The following USP24 variants were observed in gnomAD, a reference collection of about 807,000 sequenced individuals.
The protein encoded by USP24 is ubiquitin specific peptidase 24, also known as ubiquitin carboxyl-terminal hydrolase 24.
USP24 carries 97 observed loss-of-function variants against 361.6 expected under a neutral mutation model. The observed-to-expected ratio is 0.27, with a 90% CI of 0.23 to 0.32. The LOEUF is 0.32. USP24 is among the 10% of genes least tolerant of loss of function. The pLI, the probability that USP24 is intolerant of heterozygous loss-of-function variation, is 1.00. For missense variants in USP24, 2,353 were observed against 3,165.6 expected, an observed-to-expected ratio of 0.74 and a Z score of 6.16; for synonymous variants, 1,098 against 1,124.6, an observed-to-expected ratio of 0.98 and a Z score of 0.47.
intron 67 of USP24, among the ~76,000 whole-genome samples, chr1:55,070,496 C>G (rs183688303): frequency 6.6e-6 from 1 of 152,200 alleles, no homozygotes; most frequent in East Asian, 1.9e-4. Context: ...TAGATGCTGC[C>G]GAGCAGTCGG....
Position 55,137,772 on chromosome 1 carries a change from T to A in USP24, c.3027+34A>T, listed in dbSNP as rs554652434. ...AGGCTAAATATTTATATTATATCAT[T>A]TATTATTCATCAAAACTGCTTATTT... is the stretch of plus-strand genomic sequence containing the variant. On this transcript the variant is annotated intron_variant, in intron 27 of 67. Transcript: ENST00000294383. 1.9e-6 allele frequency: 3 copies of A among 1,546,388 alleles called. No individual in the cohort carries two copies. In the South Asian group the frequency reaches 3.6e-5, roughly 19 times the overall value.
At chr1:55,106,069 G>T in intron 41 of USP24, 77 bp downstream of exon 41, 1 of 1,152,360 alleles carries the variant, frequency 8.7e-7, no homozygotes, top group Non-Finnish European at 1.3e-6. Flanking sequence ...CAAACTCCAA[G>T]TTAACAAAAT....
At chr1:55,209,040 T>G (rs907439738) in intron 1 of USP24, among the ~76,000 whole-genome samples, 4 of 151,624 alleles carry the variant, frequency 2.6e-5, no homozygotes, top group African/African-American at 9.7e-5. Flanking sequence ...GTGATAACAC[T>G]AAACAATAAA....
At chr1:55,147,863 C>T (rs897426900) in intron 17 of USP24, 65 bp from the exon 18 acceptor site, 23 of 1,537,876 alleles carry the variant, frequency 1.5e-5, no homozygotes, top group Non-Finnish European at 1.4e-5. Flanking sequence ...TGGTTTAATA[C>T]AAGCTGCTAT....
At chr1:55,175,219 C>CTTT (rs3072970) in intron 3 of USP24, among the ~76,000 whole-genome samples, 94 of 66,932 alleles carry the variant, frequency 1.4e-3, no homozygotes, top group Non-Finnish European at 2.1e-3. Flanking sequence ...TACTGGGTCT[C>CTTT]TTTTTTTTTT....
chr1:55,171,286 C>G (rs1206317212), intron 5 of USP24, among the ~76,000 whole-genome samples: 1 of 152,138 alleles, frequency 6.6e-6, no homozygotes, highest in African/African-American at 2.4e-5. Context: ...AACTGGGGTT[C>G]TGATAATCTA....
Position 55,100,896 on chromosome 1 carries a change from G to T in USP24, c.5214C>A (p.Leu1738=). 1 of 1,613,694 alleles carries T rather than the reference G, an allele frequency of 6.2e-7. No individual in the cohort carries two copies. Among genetic ancestry groups the T allele is most frequent in the African/African-American group, 1.3e-5 (1 of 75,024 alleles). Residue 1738 remains leucine, a synonymous_variant, in exon 44 of 68, where the codon CTC becomes CTA. Transcript: ENST00000294383. The part of the protein sequence containing the change: ...DDSVFYQVQS[L]FGHLMESKLQ... ...GCTTGCTTTCCATTAAATGTCCAAAGAGAGACTGCACTTGGTAAAACACGC... is the reference window on the plus strand; with the variant it reads ...GCTTGCTTTCCATTAAATGTCCAAATAGAGACTGCACTTGGTAAAACACGC...
chr1:55,135,374 A>G (rs1231626996), intron 28 of USP24, among the ~76,000 whole-genome samples: 1 of 152,156 alleles, frequency 6.6e-6, no homozygotes, highest in Admixed American at 6.5e-5. Flanking sequence ...ATTCTCCAAA[A>G]TCGGAAACTT....
intron 32 of USP24, 144 bp from the exon 33 acceptor site, chr1:55,125,902 C>T (rs1646415619): frequency 2.9e-6 from 2 of 681,582 alleles, no homozygotes; most frequent in Admixed American, 5.9e-5. Context: ...ATATATCTAT[C>T]ATAATAATTT....
At chr1:55,147,826 G>T in intron 17 of USP24, 28 bp from the exon 18 acceptor site, 1 of 1,605,892 alleles carries the variant, frequency 6.2e-7, no homozygotes. Flanking sequence ...AAAGAAAAGT[G>T]GTAATGAGAA....
At position 55,169,483 on chromosome 1, in the gene USP24, A is replaced by G. The variant is rs143713008; in HGVS notation, c.825+2073T>C. Among the ~76,000 whole-genome samples the G allele has an allele frequency of 3.1e-3, 479 of 152,302 alleles. 2 individuals are homozygous for G. Among genetic ancestry groups the G allele is most frequent in the African/African-American group, 0.011 (470 of 41,578 alleles). On this transcript the variant is annotated intron_variant, in intron 5 of 67. Transcript: ENST00000294383. ...AGATTCAGAAGCCCAATGAATCTGA[A>G]GCAAAATAAATAAAAAGAATACCAT...
chr1:55,210,185 G>A (rs755905482), intron 1 of USP24, among the ~76,000 whole-genome samples: 1 of 152,072 alleles, frequency 6.6e-6, no homozygotes, highest in Non-Finnish European at 1.5e-5. Context: ...TAATTACAAG[G>A]TGAGACTCCA....
rs762734403 is a variant in USP24, at chr1:55,171,569, G to A, written c.812C>T (p.Ser271Leu). The A allele has an allele frequency of 8.7e-6, 14 of 1,610,174 alleles. No homozygotes were observed. The highest frequency in any genetic ancestry group is 3.3e-5 in the South Asian group (3 of 90,324). ...AATGATGTTTACCTTTTGGAAAGTC[G>A]ATACAGGTGAAACAGCAAACATATT... ...EGNMFAVSPV[S>L]TFQKEPHGWV... is the part of the protein sequence containing the mutation. The change falls in exon 5 of 68, where the codon TCG becomes TTG. Residue 271 changes from serine (S) to leucine (L), a missense_variant. Transcript: ENST00000294383.
intron 67 of USP24, chr1:55,071,399 A>T (rs1412752444): frequency 1.0e-6 from 1 of 995,598 alleles, no homozygotes; most frequent in Non-Finnish European, 1.2e-6. Flanking sequence ...TCCCCTGGCA[A>T]GCAGGTATAC....
chr1:55,210,187 G>A (rs1488831264), intron 1 of USP24, among the ~76,000 whole-genome samples: 2 of 152,100 alleles, frequency 1.3e-5, no homozygotes, highest in South Asian at 2.1e-4. Context: ...ATTACAAGGT[G>A]AGACTCCAAC....
Position 55,215,171 on chromosome 1 carries a change from T to C in USP24, c.-58A>G. 3.4e-6 allele frequency: 4 copies of C among 1,193,900 alleles called. No homozygotes were observed. Among genetic ancestry groups the C allele is most frequent in the Non-Finnish European group, 4.2e-6 (4 of 960,768 alleles). The allele number at this position is 1,193,900 out of a possible 1,614,324, so 74.0% of individuals were successfully genotyped here. A position where few individuals can be genotyped will look rare whatever the true frequency, so the allele number is the denominator to read the frequency against. On this transcript the variant is annotated 5_prime_UTR_variant, in exon 1 of 68. Coordinates refer to ENST00000294383, the MANE Select transcript of USP24 (RefSeq NM_015306.3). ...ACGGCGAAGCTACGGGTCCCGGGCC[T>C]GGCGGGCCGCGCGGCGCACCCTCCG...
At chr1:55,164,488 C>T (rs1318396561) in intron 7 of USP24, among the ~76,000 whole-genome samples, 1 of 152,048 alleles carries the variant, frequency 6.6e-6, no homozygotes, top group Non-Finnish European at 1.5e-5. Flanking sequence ...TGGGACACAG[C>T]CACCTTAACT....
At chr1:55,175,020 G>A (rs1479111511) in intron 3 of USP24, among the ~76,000 whole-genome samples, 1 of 151,964 alleles carries the variant, frequency 6.6e-6, no homozygotes, top group African/African-American at 2.4e-5. Flanking sequence ...CTAAAATGAA[G>A]ATAAATCTTC....
chr1:55,149,708 A>G (rs998329225), intron 16 of USP24, among the ~76,000 whole-genome samples: 3 of 152,340 alleles, frequency 2.0e-5, no homozygotes, highest in Admixed American at 6.5e-5. Context: ...GTAAGTTTTT[A>G]TATAGCTGTG....
Sources: allele counts gnomAD v4.1 joint callset (sites outside exome capture counted in the v4.1 genomes callset), GRCh38; gene constraint gnomAD v4.1.1; transcripts MANE v1.5; gene names NCBI Gene and HGNC (gene_info 2026-07-23, HGNC 2026-07-21).